Variants in IAPP observed in about 807,000 individuals in gnomAD.
The protein encoded by IAPP is islet amyloid polypeptide, also known as Islet amyloid polypeptide (diabetes-associated peptide; amylin).
IAPP carries 4 observed loss-of-function variants against 2.9 expected under a neutral mutation model. That is an observed-to-expected ratio of 1.39 (90% CI 0.69 to 3.19). The LOEUF (loss-of-function observed/expected upper bound fraction) is 3.19, where lower values mean the gene tolerates loss of function less well. IAPP is among the 30% of genes most tolerant of loss of function. IAPP has a pLI of 0.01. For synonymous variants in IAPP, 40 were observed against 42.1 expected, an observed-to-expected ratio of 0.95 and a Z score of 0.19; for missense variants, 114 against 105.3, an observed-to-expected ratio of 1.08 and a Z score of -0.36.
chr12:21,360,849 G>A (rs188766851), intron 1 of IAPP, among the ~76,000 whole-genome samples: 9 of 152,278 alleles, frequency 5.9e-5, no homozygotes, highest in Admixed American at 2.0e-4. Flanking sequence ...AGGGGCGTCC[G>A]CCATTGCTGA....
At chr12:21,376,819 G>A (rs898553927) in intron 2 of IAPP, among the ~76,000 whole-genome samples, 3 of 151,962 alleles carry the variant, frequency 2.0e-5, no homozygotes, top group African/African-American at 7.2e-5. Flanking sequence ...ACTGGCTCCT[G>A]GACATTGAGT....
chr12:21,371,425 T>C (rs1939781206), upstream of IAPP, among the ~76,000 whole-genome samples: 1 of 152,170 alleles, frequency 6.6e-6, no homozygotes, highest in Non-Finnish European at 1.5e-5. Flanking sequence ...GGAATATCAG[T>C]AAATTTCACA....
chr12:21,375,541 A>C (rs561212613), intron 2 of IAPP, among the ~76,000 whole-genome samples: 7 of 152,350 alleles, frequency 4.6e-5, no homozygotes, highest in African/African-American at 1.7e-4. Context: ...AAAGGATCAC[A>C]TACTTTCCCA....
chr12:21,372,421 T>C (rs1939866634), upstream of IAPP, among the ~76,000 whole-genome samples: 1 of 152,198 alleles, frequency 6.6e-6, no homozygotes, highest in Non-Finnish European at 1.5e-5. Context: ...CTCACCTCAT[T>C]GTAAATGACT....
intron 1 of IAPP, among the ~76,000 whole-genome samples, chr12:21,359,433 C>A (rs1212023562): frequency 6.6e-6 from 1 of 152,074 alleles, no homozygotes; most frequent in Non-Finnish European, 1.5e-5. Flanking sequence ...AATCGCCTGG[C>A]TAAAAGAACC....
Position 21,373,387 on chromosome 12 carries a change from G to T in IAPP, c.36G>T (p.Val12=). The change falls in exon 2 of 3, where the codon GTG becomes GTT. Residue 12 remains valine (V), a synonymous_variant. Coordinates refer to ENST00000240652, the MANE Select transcript of IAPP (RefSeq NM_000415.3). The part of the protein sequence containing the change: ...GILKLQVFLI[V]LSVALNHLKA... ...TGAAGCTGCAAGTATTTCTCATTGT[G>T]CTCTCTGTTGCATTGAACCATCTGA... is the stretch of plus-strand genomic sequence containing the variant. 6.2e-7 allele frequency: 1 copy of T among 1,613,548 alleles called. No individual in the cohort carries two copies. The highest frequency in any genetic ancestry group is 8.5e-7 in the Non-Finnish European group (1 of 1,179,632).
rs77434866 is a variant in IAPP, at chr12:21,360,748, C to G, written c.-16+5735C>G. 4.6e-3 allele frequency among the ~76,000 whole-genome samples: 708 copies of G among 152,348 alleles called. 7 individuals carry two copies. The highest frequency in any genetic ancestry group is 0.016 in the African/African-American group (683 of 41,590). ...CACACCAGGAGATTATATCCCGCGG[C>G]TGGCTTGGAGGCTCCCACACCCACG... On this transcript the variant is annotated intron_variant, in intron 1 of 2. Coordinates refer to the IAPP transcript ENST00000539393.
At chr12:21,372,423 TA>T (rs1939867077), upstream of IAPP, among the ~76,000 whole-genome samples, 1 of 152,234 alleles carries the variant, frequency 6.6e-6, no homozygotes, top group Non-Finnish European at 1.5e-5. Flanking sequence ...CACCTCATTG[TA>T]AATGACTTTT....
At chr12:21,366,340 A>T (rs947171702) in intron 1 of IAPP, among the ~76,000 whole-genome samples, 8 of 144,342 alleles carry the variant, frequency 5.5e-5, no homozygotes, top group African/African-American at 2.0e-4. Flanking sequence ...ATAGGTGAGA[A>T]TTGAACAATG....
chr12:21,358,580 TATAG>T (rs1453769761), intron 1 of IAPP, among the ~76,000 whole-genome samples: 8 of 152,176 alleles, frequency 5.3e-5, no homozygotes, highest in African/African-American at 1.4e-4. Context: ...TATCATCATA[TATAG>T]ATAATTTTGT....
intron 1 of IAPP, among the ~76,000 whole-genome samples, chr12:21,367,203 A>T (rs1939452990): frequency 6.6e-6 from 1 of 152,194 alleles, no homozygotes; most frequent in African/African-American, 2.4e-5. Flanking sequence ...ATAATTCTGA[A>T]TAAAAATAAT....
rs553401031 is a variant in IAPP at position 21,360,677 on chromosome 12, C to A, written c.-16+5664C>A. On this transcript the variant is annotated intron_variant, in intron 1 of 2. Coordinates refer to the IAPP transcript ENST00000539393. ...ACAGACAGCACCTGGAAAATCGGGA[C>A]ACTCCCACCCTAATACTGCTCTTTT... Among the ~76,000 whole-genome samples, 8 of 152,308 alleles carry A rather than the reference C, an allele frequency of 5.3e-5. No homozygotes were observed. The East Asian group carries it at 1.5e-3, about 29-fold the overall frequency.
intron 1 of IAPP, among the ~76,000 whole-genome samples, chr12:21,362,532 A>C (rs962717641): frequency 3.3e-5 from 5 of 152,238 alleles, no homozygotes; most frequent in African/African-American, 7.2e-5. Flanking sequence ...ATGACAGGAT[A>C]AAATTCACAC....
At chr12:21,354,976 G>A in exon 1 of IAPP, 1 of 151,980 alleles carries the variant, frequency 6.6e-6, no homozygotes. Context: ...CACATCTCCA[G>A]GTCAGACCTA....
chr12:21,363,978 G>A (rs1377407603), intron 1 of IAPP, among the ~76,000 whole-genome samples: 1 of 152,158 alleles, frequency 6.6e-6, no homozygotes, highest in Non-Finnish European at 1.5e-5. Context: ...AAAAAGAGGA[G>A]CTGGTACCAT....
chr12:21,356,613 A>G (rs1938388144), intron 1 of IAPP, among the ~76,000 whole-genome samples: 1 of 152,160 alleles, frequency 6.6e-6, no homozygotes. Context: ...AGTAGTTTAA[A>G]TATACTAAAG....
upstream of IAPP, among the ~76,000 whole-genome samples, chr12:21,368,757 C>T (rs1458944721): frequency 6.6e-6 from 1 of 151,698 alleles, no homozygotes; most frequent in Admixed American, 6.6e-5. Context: ...TTTGAAAGTT[C>T]CCAAAAGAAA....
At chr12:21,357,827 T>C (rs1471177761) in intron 1 of IAPP, among the ~76,000 whole-genome samples, 1 of 152,218 alleles carries the variant, frequency 6.6e-6, no homozygotes. Flanking sequence ...TCTTTTAAAA[T>C]ATGAAAACAG....
chr12:21,362,332 T>C (rs1403716413), intron 1 of IAPP, among the ~76,000 whole-genome samples: 1 of 152,132 alleles, frequency 6.6e-6, no homozygotes, highest in East Asian at 1.9e-4. Flanking sequence ...TAAAATGCTT[T>C]ACAGACAAAC....
Sources: gnomAD v4.1 joint callset for allele counts (sites outside exome capture counted in the v4.1 genomes callset) on GRCh38, gnomAD v4.1.1 for gene constraint, MANE v1.5 for transcripts, NCBI Gene and HGNC (gene_info 2026-07-23, HGNC 2026-07-21) for gene names.